Variants in SLC39A10 observed in about 807,000 individuals in gnomAD.
The protein encoded by SLC39A10 is zinc transporter ZIP10.
A neutral mutation model predicts 65.1 loss-of-function variants in SLC39A10; 13 were observed. The ratio of observed to expected loss-of-function variants is 0.20; its 90% confidence interval spans 0.13 to 0.32. The LOEUF (loss-of-function observed/expected upper bound fraction) is 0.32, where lower values mean the gene tolerates loss of function less well. Ranked by LOEUF, SLC39A10 falls within the 10% of genes least tolerant of loss-of-function variation. The pLI is 1.00. For synonymous variants in SLC39A10, 321 were observed against 342.2 expected (o/e 0.94, Z 0.68); for missense variants, 831 against 1,018.4 (o/e 0.82, Z 2.50).
intron 9 of SLC39A10, among the ~76,000 whole-genome samples, chr2:195,732,984 C>A (rs1698214673): frequency 6.6e-6 from 1 of 152,106 alleles, no homozygotes; most frequent in African/African-American, 2.4e-5. Context: ...CTATTATATA[C>A]CATTACCATA....
intron 2 of SLC39A10, among the ~76,000 whole-genome samples, chr2:195,621,074 A>C (rs1013491669): frequency 6.6e-6 from 1 of 152,164 alleles, no homozygotes; most frequent in African/African-American, 2.4e-5. Flanking sequence ...CTATAGTTTT[A>C]ATTTATCTCA....
Position 195,735,086 on chromosome 2 carries a change from G to C in SLC39A10, c.*45G>C, listed in dbSNP as rs1361586113. On this transcript the variant is annotated 3_prime_UTR_variant, in exon 10 of 10. Transcript: ENST00000359634. ...TTGATTACGAGAATGTTACCATGCA[G>C]CTTTGCATCTGTTCCTTGTACTGTA... is the stretch of plus-strand genomic sequence containing the variant. 2.5e-6 allele frequency: 4 copies of C among 1,578,892 alleles called. No individual in the cohort carries two copies. The Admixed American group carries it at 7.1e-5, about 28-fold the overall frequency.
In SLC39A10 at chr2:195,736,146, T is replaced by C. The variant is rs1483146442; in HGVS notation, c.*1105T>C. On this transcript the variant is annotated 3_prime_UTR_variant, in exon 10 of 10. Transcript: ENST00000359634. ...TCCATTATTGCCATGGCTGTCATGG[T>C]ACCCAAGTGACTTGGAAGATGCATT... 1 of 152,650 alleles carries C rather than the reference T, an allele frequency of 6.6e-6. No individual in the cohort carries two copies. The highest frequency in any genetic ancestry group is 1.5e-5 in the Non-Finnish European group (1 of 68,038). 9.5% of individuals were successfully genotyped at this position (152,650 alleles called of 1,614,324 possible).
intron 9 of SLC39A10, among the ~76,000 whole-genome samples, chr2:195,730,848 ATTC>A (rs1574324446): frequency 6.6e-6 from 1 of 152,130 alleles, no homozygotes; most frequent in Non-Finnish European, 1.5e-5. Flanking sequence ...TGATACCTCT[ATTC>A]TTCTAGTTGC....
chr2:195,672,682 T>C (rs985556031), intron 1 of SLC39A10, among the ~76,000 whole-genome samples: 7 of 152,240 alleles, frequency 4.6e-5, no homozygotes, highest in African/African-American at 1.4e-4. Context: ...AAAGCTTGTG[T>C]AAACCATCTA....
chr2:195,728,139 C>A lies in SLC39A10; in HGVS notation c.2147-20C>A, dbSNP rs754700995. Reference sequence around the variant, plus strand: ...TAAATCCTGTGGTTTTAAAACATTCCCATTGTTTCTTAATTGCAGGAGATT... The same window carrying A: ...TAAATCCTGTGGTTTTAAAACATTCACATTGTTTCTTAATTGCAGGAGATT... On this transcript the variant is annotated intron_variant, in intron 8 of 9. Transcript: ENST00000359634. This position sits in a 1 kb window ranked among gnomAD's most constrained non-coding sequence, Gnocchi z 4.4. 4 of 1,586,030 alleles carry A rather than the reference C, an allele frequency of 2.5e-6. No homozygotes were observed. Among genetic ancestry groups the A allele is most frequent in the Non-Finnish European group, 3.4e-6 (4 of 1,161,434 alleles).
Position 195,716,805 on chromosome 2 carries a change from A to C in SLC39A10, c.1865A>C (p.His622Pro). The change falls in exon 7 of 10, where the codon CAT becomes CCT. Residue 622 changes from histidine to proline, a missense_variant. His to Pro is a moderately conservative substitution (Grantham distance 77). Around this residue, in one of 4 missense-constraint regions of SLC39A10, gnomAD observed 230 missense variants for 242.9 expected, o/e 0.95. Transcript: ENST00000359634. ...GLHTIHEHDL[H>P]AAAHNHHGEN... ...CATACCATTCATGAGCATGATCTCCATGCTGCTGCACATAACCACCACGGC... is the reference window on the plus strand; with the variant it reads ...CATACCATTCATGAGCATGATCTCCCTGCTGCTGCACATAACCACCACGGC... The C allele has an allele frequency of 6.2e-7, 1 of 1,614,178 alleles. No individual in the cohort carries two copies. Among genetic ancestry groups the C allele is most frequent in the Middle Eastern group, 1.6e-4 (1 of 6,062 alleles).
chr2:195,717,715 A>T (rs1354680228), intron 7 of SLC39A10, among the ~76,000 whole-genome samples: 1 of 152,176 alleles, frequency 6.6e-6, no homozygotes, highest in Non-Finnish European at 1.5e-5. Context: ...CCACCTGCTC[A>T]GCCTATAGTA....
intron 9 of SLC39A10, among the ~76,000 whole-genome samples, chr2:195,734,159 T>TAAAAAAA (rs35001848): frequency 8.6e-6 from 1 of 116,540 alleles, no homozygotes; most frequent in Non-Finnish European, 1.7e-5. Flanking sequence ...CCTTTTTTTT[T>TAAAAAAA]AAAAAAAAAA....
At chr2:195,721,840 G>A (rs1245785771) in intron 8 of SLC39A10, among the ~76,000 whole-genome samples, 2 of 152,114 alleles carry the variant, frequency 1.3e-5, no homozygotes, top group South Asian at 2.1e-4. Context: ...GGTAAATGGA[G>A]TGTCAGGCTA....
intron 3 of SLC39A10, among the ~76,000 whole-genome samples, chr2:195,684,838 AAG>A (rs1690462890): frequency 6.6e-6 from 1 of 152,162 alleles, no homozygotes; most frequent in Non-Finnish European, 1.5e-5. Context: ...CTAAAATGCA[AAG>A]AGATTCTGAC....
chr2:195,625,477 A>G (rs1688453403), intron 2 of SLC39A10, among the ~76,000 whole-genome samples: 3 of 151,832 alleles, frequency 2.0e-5, no homozygotes, highest in African/African-American at 7.2e-5. Flanking sequence ...GGGTTTCTCC[A>G]TATTGGTCAG....
intron 8 of SLC39A10, among the ~76,000 whole-genome samples, chr2:195,718,682 A>AC (rs1292598869): frequency 2.0e-5 from 3 of 152,312 alleles, no homozygotes; most frequent in Non-Finnish European, 4.4e-5. Flanking sequence ...TACCATGTAG[A>AC]CTATATTTTT....
chr2:195,618,265 CA>C (rs1688268971), intron 2 of SLC39A10, among the ~76,000 whole-genome samples: 1 of 151,100 alleles, frequency 6.6e-6, no homozygotes, highest in African/African-American at 2.4e-5. Flanking sequence ...GCAGGAGAAT[CA>C]CTTGAGCCTG....
intron 1 of SLC39A10, among the ~76,000 whole-genome samples, chr2:195,666,140 TG>T (rs1689626960): frequency 6.6e-6 from 1 of 152,162 alleles, no homozygotes; most frequent in Non-Finnish European, 1.5e-5. Flanking sequence ...CAAGACTCTA[TG>T]TTCAAGAATT....
chr2:195,734,458 G>A (rs1015632614), intron 9 of SLC39A10, among the ~76,000 whole-genome samples: 3 of 152,150 alleles, frequency 2.0e-5, no homozygotes, highest in South Asian at 4.1e-4. Flanking sequence ...CACCGTGCCC[G>A]GCCCAAGAAT....
At chr2:195,665,689 T>C (rs1033315073) in intron 1 of SLC39A10, among the ~76,000 whole-genome samples, 6 of 152,220 alleles carry the variant, frequency 3.9e-5, no homozygotes, top group African/African-American at 1.4e-4. Context: ...GTCCCCTGTC[T>C]GTTCCTTTCA....
intron 6 of SLC39A10, among the ~76,000 whole-genome samples, chr2:195,715,525 C>CAAAA (rs545656309): frequency 2.6e-4 from 16 of 61,586 alleles, no homozygotes; most frequent in South Asian, 6.3e-4. Flanking sequence ...GACTCTGTCT[C>CAAAA]AAAAAAAAAA....
In SLC39A10 at chr2:195,713,519, A is replaced by G; in HGVS notation, c.1662A>G (p.Pro554=). 6.3e-7 allele frequency: 1 copy of G among 1,580,964 alleles called. No homozygotes were observed. The highest frequency in any genetic ancestry group is 8.5e-7 in the Non-Finnish European group (1 of 1,170,976). Reference sequence around the variant, plus strand: ...CAGATCACAAGTTAAACAATACACCAGATTCTGACTGGCTTCAACTCAAGC... The same window carrying G: ...CAGATCACAAGTTAAACAATACACCGGATTCTGACTGGCTTCAACTCAAGC... ...KLSDHKLNNT[P]DSDWLQLKPL... is the part of the protein sequence containing the mutation. The change falls in exon 6 of 10, where the codon CCA becomes CCG. Residue 554 remains proline, a synonymous_variant. Coordinates refer to ENST00000359634, the MANE Select transcript of SLC39A10 (RefSeq NM_020342.3).
Sources: gnomAD v4.1 joint callset for allele counts (sites outside exome capture counted in the v4.1 genomes callset) on GRCh38, gnomAD v4.1.1 for gene constraint, gnomAD v4.1.1 regional missense constraint, Gnocchi (gnomAD v3.1) non-coding constraint, MANE v1.5 for transcripts, NCBI Gene and HGNC (gene_info 2026-07-23, HGNC 2026-07-21) for gene names.